PCDH7: variants seen among roughly 807,000 people sequenced by gnomAD.
PCDH7 encodes protocadherin 7.
A neutral mutation model predicts 58.9 loss-of-function variants in PCDH7; 17 were observed. The ratio of observed to expected loss-of-function variants is 0.29; its 90% CI spans 0.20 to 0.43. The LOEUF (loss-of-function observed/expected upper bound fraction) is 0.43. PCDH7 is among the 20% of genes least tolerant of loss of function. The pLI, the probability that PCDH7 is intolerant of heterozygous loss-of-function variation, is 1.00. For synonymous variants in PCDH7, 664 were observed against 616.4 expected, an observed-to-expected ratio of 1.08 and a Z score of -1.14; for missense variants, 1,274 against 1,441.0, an observed-to-expected ratio of 0.88 and a Z score of 1.88.
At chr4:30,926,190 GTT>G (rs10706040) in intron 2 of PCDH7, among the ~76,000 whole-genome samples, 15 of 145,082 alleles carry the variant, frequency 1.0e-4, no homozygotes, top group Middle Eastern at 3.5e-3. Context: ...ACTTTAGGTC[GTT>G]TTTTTTTTTT....
Position 30,951,074 on chromosome 4 carries a change from G to A in PCDH7, c.*7+859G>A, listed in dbSNP as rs1321495464. ...GTCTTGTGACTCTCTCAGGTTCTTT[G>A]AGACACATGACTAAAATGCTACCTT... is the stretch of plus-strand genomic sequence containing the variant. On this transcript the variant is annotated intron_variant, in intron 3 of 3. Coordinates refer to the PCDH7 transcript ENST00000509759. Among the ~76,000 whole-genome samples, 4 of 152,208 alleles carry A rather than the reference G, an allele frequency of 2.6e-5. No individual in the cohort carries two copies. In the East Asian group the frequency reaches 5.8e-4, roughly 22 times the overall value.
chr4:30,871,238 C>A (rs1240337932), intron 1 of PCDH7, among the ~76,000 whole-genome samples: 2 of 152,034 alleles, frequency 1.3e-5, no homozygotes, highest in Non-Finnish European at 2.9e-5. Context: ...CAAGGACTTA[C>A]CCCCAGAGTT....
At chr4:31,040,124 A>G (rs1259331340) in intron 3 of PCDH7, among the ~76,000 whole-genome samples, 1 of 152,214 alleles carries the variant, frequency 6.6e-6, no homozygotes, top group African/African-American at 2.4e-5. Context: ...TTAAATGCAC[A>G]GTATGTTTTT....
chr4:30,809,580 A>C (rs1205053852), intron 1 of PCDH7, among the ~76,000 whole-genome samples: 1 of 152,212 alleles, frequency 6.6e-6, no homozygotes, highest in African/African-American at 2.4e-5. Context: ...AGGTTTCTGA[A>C]ATAGGACAAC....
At chr4:30,742,391 G>A (rs1191636987) in intron 1 of PCDH7, among the ~76,000 whole-genome samples, 7 of 152,108 alleles carry the variant, frequency 4.6e-5, no homozygotes, top group East Asian at 1.9e-4. Context: ...CCACTGTGTC[G>A]TATTGCTGTT....
chr4:30,740,906 A>C (rs954474561), intron 1 of PCDH7, among the ~76,000 whole-genome samples: 15 of 152,038 alleles, frequency 9.9e-5, no homozygotes, highest in African/African-American at 3.6e-4. Flanking sequence ...AATATGAAAC[A>C]TTTTTAATCA....
At chr4:30,987,886 C>A (rs893718639) in intron 3 of PCDH7, 2 of 151,740 alleles carry the variant, frequency 1.3e-5, no homozygotes, top group African/African-American at 4.8e-5. Context: ...GGAGTGTGTG[C>A]CAAGGAGGAA....
intron 2 of PCDH7, among the ~76,000 whole-genome samples, chr4:30,947,827 C>T (rs1396407497): frequency 6.6e-6 from 1 of 152,032 alleles, no homozygotes. Context: ...TATAATTCTG[C>T]ATCCTTTAAC....
chr4:31,140,352 G>T (rs1362409817), intron 3 of PCDH7, among the ~76,000 whole-genome samples: 3 of 152,100 alleles, frequency 2.0e-5, no homozygotes, highest in South Asian at 2.1e-4. Flanking sequence ...GTGGAGAGAT[G>T]ATTGGAGACA....
In PCDH7 at chr4:30,981,743, C is replaced by T. The variant is rs188592069; in HGVS notation, c.*7+31528C>T. Among the ~76,000 whole-genome samples, 7 of 152,302 alleles carry T rather than the reference C, an allele frequency of 4.6e-5. No individual in the cohort carries two copies. In the East Asian group the frequency reaches 1.4e-3, roughly 29 times the overall value. ...CTTCCTCCTTAATGTGAAGTCTTCTCATGCCAGTGTCGATCTGATATGAAA... is the reference window on the plus strand; with the variant it reads ...CTTCCTCCTTAATGTGAAGTCTTCTTATGCCAGTGTCGATCTGATATGAAA... On this transcript the variant is annotated intron_variant, in intron 3 of 3. Coordinates refer to the PCDH7 transcript ENST00000509759.
intron 3 of PCDH7, among the ~76,000 whole-genome samples, chr4:31,038,576 T>C (rs1013501951): frequency 1.3e-5 from 2 of 152,182 alleles, no homozygotes; most frequent in African/African-American, 4.8e-5. Flanking sequence ...TCAAAAGATA[T>C]TATTTTATAT....
At chr4:30,921,005 G>A (rs1321050709) in intron 2 of PCDH7, among the ~76,000 whole-genome samples, 1 of 151,942 alleles carries the variant, frequency 6.6e-6, no homozygotes, top group African/African-American at 2.4e-5. Flanking sequence ...TTTTTATACT[G>A]TTTTGAGGTG....
chr4:30,871,705 A>T (rs1288621462), intron 1 of PCDH7, among the ~76,000 whole-genome samples: 1 of 152,082 alleles, frequency 6.6e-6, no homozygotes, highest in African/African-American at 2.4e-5. Context: ...TAAAAAAGTG[A>T]TACAAAACGG....
intron 1 of PCDH7, among the ~76,000 whole-genome samples, chr4:30,795,105 A>G (rs982523122): frequency 6.6e-6 from 1 of 152,158 alleles, no homozygotes; most frequent in Non-Finnish European, 1.5e-5. Context: ...TCAGTCTTTG[A>G]GACTTTGGGG....
rs117477353 is a variant in PCDH7, at chr4:30,804,390, T to C, written c.70+79794T>C. ...CCAGTCTCTAGTAAAATACCAAAAA[T>C]TAGTCAGGCATGATGGTGTGTATCT... On this transcript the variant is annotated intron_variant, in intron 1 of 3. Transcript: ENST00000509759. 1.1e-3 allele frequency among the ~76,000 whole-genome samples: 169 copies of C among 152,036 alleles called. 4 individuals are homozygous for C. The East Asian group carries it at 0.028, about 25-fold the overall frequency.
At chr4:30,805,587 C>A (rs1459442911) in intron 1 of PCDH7, among the ~76,000 whole-genome samples, 1 of 152,106 alleles carries the variant, frequency 6.6e-6, no homozygotes, top group East Asian at 1.9e-4. Context: ...TGGATTATTT[C>A]CCTCTCAAAT....
At chr4:31,062,173 G>A (rs945690522) in intron 3 of PCDH7, among the ~76,000 whole-genome samples, 1 of 151,570 alleles carries the variant, frequency 6.6e-6, no homozygotes. Flanking sequence ...AAAGCCATTG[G>A]CAGTATGATA....
intron 1 of PCDH7, chr4:30,786,716 A>C (rs2109294704): frequency 1.0e-6 from 1 of 978,022 alleles, no homozygotes; most frequent in Non-Finnish European, 1.2e-6. Flanking sequence ...ATATTTTTGT[A>C]TTTTTTATAG....
chr4:30,988,695 G>A (rs1003500499), intron 3 of PCDH7, among the ~76,000 whole-genome samples: 7 of 152,040 alleles, frequency 4.6e-5, no homozygotes, highest in African/African-American at 1.2e-4. Flanking sequence ...TGATGTTGTA[G>A]CAATACAAAT....
Sources: allele counts gnomAD v4.1 joint callset (sites outside exome capture counted in the v4.1 genomes callset), GRCh38; gene constraint gnomAD v4.1.1; transcripts MANE v1.5; gene names NCBI Gene and HGNC (gene_info 2026-07-23, HGNC 2026-07-21).